The following SIRT5 variants were observed in gnomAD, a reference collection of about 807,000 sequenced individuals.
SIRT5 encodes sirtuin 5, also known as NAD-dependent protein deacylase sirtuin-5, mitochondrial.
SIRT5 carries 26 observed loss-of-function variants against 40.0 expected under a neutral mutation model. That is an observed-to-expected ratio of 0.65 (90% confidence interval 0.48 to 0.90). SIRT5 has a LOEUF of 0.90. Among genes scored for constraint, SIRT5 ranks in the 40% least tolerant of loss-of-function variants. SIRT5 has a pLI of 0.00. For synonymous variants in SIRT5, 146 were observed against 149.1 expected (o/e 0.98, Z 0.15); for missense variants, 401 against 402.4 (o/e 1.00, Z 0.03).
rs201780283 is a variant in SIRT5 at position 13,604,566 on chromosome 6, G to A, written c.857+3617G>A. 51 of 1,581,506 alleles carry A rather than the reference G, an allele frequency of 3.2e-5. No homozygotes were observed. The African/African-American group carries it at 6.2e-4, about 19-fold the overall frequency. On this transcript the variant is annotated intron_variant, in intron 9 of 9. Coordinates refer to ENST00000606117, the MANE Select transcript of SIRT5 (RefSeq NM_012241.5). The stretch of plus-strand genomic sequence containing the variant: ...GCAAGAAAATGCAGATAGAGAAAAA[G>A]AAGAAAATAAAACTGGAGTATTTCC...
intron 3 of SIRT5, among the ~76,000 whole-genome samples, chr6:13,586,311 C>G (rs1329216185): frequency 1.3e-5 from 2 of 152,114 alleles, no homozygotes; most frequent in African/African-American, 4.8e-5. Flanking sequence ...GTCATGAAGT[C>G]CTTGCCCATG....
chr6:13,595,371 CATGAA>C, intron 5 of SIRT5, 101 bp from the exon 6 acceptor site: 3 of 884,840 alleles, frequency 3.4e-6, no homozygotes, highest in African/African-American at 1.7e-5. Context: ...GAGACCAAAA[CATGAA>C]ATGAAGTGTG....
Position 13,614,885 on chromosome 6 carries a change from A to G in SIRT5, c.*3020A>G. On this transcript the variant is annotated 3_prime_UTR_variant, in exon 10 of 10. Coordinates refer to ENST00000606117, the MANE Select transcript of SIRT5 (RefSeq NM_012241.5). ...TGCTAGAGCGCATTTCTTCCCATGA[A>G]ACGCCACCTCCTCCGAAGTGCGGAG... 1 of 157,018 alleles carries G rather than the reference A, an allele frequency of 6.4e-6. No homozygotes were observed. The highest frequency in any genetic ancestry group is 1.9e-4 in the South Asian group (1 of 5,300). The allele number at this position is 157,018 out of a possible 1,614,324, so 9.7% of individuals were successfully genotyped here. A position where few individuals can be genotyped will look rare whatever the true frequency, so the allele number is the denominator to read the frequency against.
chr6:13,611,242 C>T (rs5010545), intron 9 of SIRT5, among the ~76,000 whole-genome samples: 64,588 of 127,480 alleles, frequency 0.51, 17,278 homozygotes, highest in Admixed American at 0.61. Flanking sequence ...TATATACACA[C>T]ACACATACAC....
chr6:13,608,603 G>C (rs1399722680), intron 9 of SIRT5, among the ~76,000 whole-genome samples: 2 of 150,804 alleles, frequency 1.3e-5, no homozygotes, highest in East Asian at 3.9e-4. Flanking sequence ...AAAAAAAAGA[G>C]AGAGAGAAAG....
intron 3 of SIRT5, among the ~76,000 whole-genome samples, chr6:13,585,285 C>CAGGT (rs1584761598): frequency 1.3e-5 from 2 of 151,860 alleles, no homozygotes; most frequent in East Asian, 3.9e-4. Flanking sequence ...GGTACATGTG[C>CAGGT]ACAACGTGCA....
At chr6:13,582,680 G>C (rs1759507568) in intron 2 of SIRT5, among the ~76,000 whole-genome samples, 1 of 148,212 alleles carries the variant, frequency 6.7e-6, no homozygotes, top group Non-Finnish European at 1.5e-5. Flanking sequence ...GGCAACCACC[G>C]TTATATTTTC....
At chr6:13,603,201 C>CG (rs1303559463) in intron 9 of SIRT5, among the ~76,000 whole-genome samples, 17 of 146,068 alleles carry the variant, frequency 1.2e-4, no homozygotes, top group African/African-American at 4.1e-4. Flanking sequence ...GGCGTGAACC[C>CG]GGGAGGTGGA....
At chr6:13,576,130 C>G (rs1318769489) in intron 1 of SIRT5, among the ~76,000 whole-genome samples, 3 of 152,218 alleles carry the variant, frequency 2.0e-5, no homozygotes, top group African/African-American at 7.2e-5. Context: ...ATGCAGCTAT[C>G]TCTTCAACAT....
intron 5 of SIRT5, among the ~76,000 whole-genome samples, chr6:13,592,677 T>G (rs762300021): frequency 6.5e-4 from 99 of 152,190 alleles, no homozygotes; most frequent in Non-Finnish European, 1.3e-3. Context: ...GAGTTTGTCT[T>G]GGGTCCCTCT....
chr6:13,581,268 A>T (rs1400820684), intron 2 of SIRT5, among the ~76,000 whole-genome samples: 2 of 152,242 alleles, frequency 1.3e-5, no homozygotes, highest in Admixed American at 6.5e-5. Context: ...ATGTCTCATT[A>T]GGACCTGGGA....
chr6:13,606,348 C>A (rs182778458), intron 9 of SIRT5, among the ~76,000 whole-genome samples: 2 of 152,120 alleles, frequency 1.3e-5, no homozygotes, highest in African/African-American at 4.8e-5. Flanking sequence ...GGAAGACACC[C>A]AAGCTACCTG....
At chr6:13,601,438 A>AC (rs1762376233) in intron 9 of SIRT5, among the ~76,000 whole-genome samples, 5 of 152,150 alleles carry the variant, frequency 3.3e-5, no homozygotes, top group African/African-American at 1.2e-4. Flanking sequence ...TGGGAAGTGT[A>AC]GATTGTCATA....
intron 9 of SIRT5, 45 bp from the exon 10 acceptor site, chr6:13,611,745 C>G (rs1455058240): frequency 7.0e-7 from 1 of 1,426,238 alleles, no homozygotes; most frequent in Non-Finnish European, 9.9e-7. Context: ...ATTCATTTTG[C>G]TAACCTGTAG....
chr6:13,581,510 G>C (rs1476279759), intron 2 of SIRT5, among the ~76,000 whole-genome samples: 4 of 152,166 alleles, frequency 2.6e-5, no homozygotes, highest in Non-Finnish European at 2.9e-5. Flanking sequence ...TTGATCACTT[G>C]GTTAAGGTGG....
intron 1 of SIRT5, among the ~76,000 whole-genome samples, chr6:13,577,689 A>G (rs1170421732): frequency 1.0e-4 from 15 of 148,368 alleles, no homozygotes; most frequent in African/African-American, 3.7e-4. Context: ...CTCTCTGTAT[A>G]TCTTATATAC....
chr6:13,595,864 T>A (rs1187994494), intron 6 of SIRT5, among the ~76,000 whole-genome samples: 2 of 151,990 alleles, frequency 1.3e-5, no homozygotes, highest in Non-Finnish European at 2.9e-5. Flanking sequence ...TGGTGGCACA[T>A]GCCTGTAGTC....
chr6:13,598,250 T>C (rs1761862837), intron 7 of SIRT5, among the ~76,000 whole-genome samples: 1 of 152,090 alleles, frequency 6.6e-6, no homozygotes, highest in African/African-American at 2.4e-5. Flanking sequence ...AGGAGGTGTA[T>C]AGAAGGTAAC....
Position 13,607,313 on chromosome 6 carries a change from G to GT in SIRT5, c.858-4465dup, listed in dbSNP as rs932205862. Among the ~76,000 whole-genome samples, 275 of 143,768 alleles carry GT rather than the reference G, an allele frequency of 1.9e-3. No individual in the cohort carries two copies. Among genetic ancestry groups the GT allele is most frequent in the Middle Eastern group, 3.5e-3 (1 of 282 alleles). The allele number at this position is 143,768 out of a possible 152,430, so 94.3% of individuals were successfully genotyped here. On this transcript the variant is annotated intron_variant, in intron 9 of 9. Transcript: ENST00000606117. This position sits in a 1 kb window ranked among gnomAD's most constrained non-coding sequence, Gnocchi z 4.0. Reference sequence around the variant, plus strand: ...AACTTCTGGTTTTTGATATTTGTCTGTTTTTTTTTTTTCTTTTAAAGGAGA... The same window carrying GT: ...AACTTCTGGTTTTTGATATTTGTCTGTTTTTTTTTTTTTCTTTTAAAGGAGA...
Sources: gnomAD v4.1 joint callset for allele counts (sites outside exome capture counted in the v4.1 genomes callset) on GRCh38, gnomAD v4.1.1 for gene constraint, Gnocchi (gnomAD v3.1) non-coding constraint, MANE v1.5 for transcripts, NCBI Gene and HGNC (gene_info 2026-07-23, HGNC 2026-07-21) for gene names.